SPATA13: variants seen among roughly 807,000 people sequenced by gnomAD.
The protein encoded by SPATA13 is spermatogenesis associated 13, also known as spermatogenesis-associated protein 13.
In SPATA13, 50 loss-of-function variants were observed where a neutral mutation model predicts 104.0. The ratio of observed to expected loss-of-function variants is 0.48; its 90% confidence interval spans 0.38 to 0.61. The LOEUF is 0.61. Among genes scored for constraint, SPATA13 ranks in the 20% least tolerant of loss-of-function variants. SPATA13 has a pLI of 0.00. For missense variants in SPATA13, 1,524 were observed against 1,690.6 expected (o/e 0.90, Z 1.73); for synonymous variants, 606 against 667.5 (o/e 0.91, Z 1.42).
intron 1 of SPATA13, among the ~76,000 whole-genome samples, chr13:24,173,152 A>T (rs539422161): frequency 6.6e-6 from 1 of 152,274 alleles, no homozygotes; most frequent in South Asian, 2.1e-4. Flanking sequence ...ATCTTGGCTC[A>T]CTGCACCCTC....
At chr13:24,037,394 G>A (rs1413863557) in intron 3 of SPATA13, among the ~76,000 whole-genome samples, 1 of 63,840 alleles carries the variant, frequency 1.6e-5, no homozygotes, top group African/African-American at 5.6e-5. Context: ...ACAGGTTCTC[G>A]ACTAATACTT....
At chr13:24,082,200 C>G (rs1009537209) in intron 3 of SPATA13, among the ~76,000 whole-genome samples, 16 of 152,334 alleles carry the variant, frequency 1.1e-4, no homozygotes, top group African/African-American at 3.6e-4. Flanking sequence ...ATAGCAATAT[C>G]TCTTCAACAG....
At chr13:24,122,800 C>G in intron 3 of SPATA13, 1 of 778,834 alleles carries the variant, frequency 1.3e-6, no homozygotes, top group Non-Finnish European at 2.4e-6. Flanking sequence ...TGTGGAGACT[C>G]TCGTTGTCAT....
intron 2 of SPATA13, among the ~76,000 whole-genome samples, chr13:24,240,217 A>G (rs4261384): frequency 0.61 from 92,261 of 151,564 alleles, 28,348 homozygotes; most frequent in East Asian, 0.76. Context: ...CCGTGATTGC[A>G]CCACTGCACT....
At chr13:24,121,935 G>A in intron 3 of SPATA13, 1 of 670,378 alleles carries the variant, frequency 1.5e-6, no homozygotes, top group Admixed American at 2.5e-5. Context: ...CATCTCCTGG[G>A]GTTGTTGTTT....
At chr13:24,201,616 T>G (rs200781413) in intron 1 of SPATA13, among the ~76,000 whole-genome samples, 23 of 152,220 alleles carry the variant, frequency 1.5e-4, no homozygotes, top group East Asian at 1.2e-3. Flanking sequence ...AATTTTTGTG[T>G]TTTTAGTAGA....
chr13:24,187,783 A>C (rs894447492), intron 1 of SPATA13, among the ~76,000 whole-genome samples: 1 of 152,198 alleles, frequency 6.6e-6, no homozygotes, highest in Non-Finnish European at 1.5e-5. Context: ...GGCCACTCCC[A>C]GTCTCTCTGC....
At position 24,224,053 on chromosome 13, in the gene SPATA13, G is replaced by A. The variant is rs866164938; in HGVS notation, c.1124G>A (p.Arg375Gln). ...VSRSTEQDSR[R>Q]GGAVMHGTTA... Reference sequence around the variant, plus strand: ...AGGAGCACTGAGCAGGACAGCAGGCGGGGCGGGGCGGTCATGCATGGGACC... The same window carrying A: ...AGGAGCACTGAGCAGGACAGCAGGCAGGGCGGGGCGGTCATGCATGGGACC... Residue 375 changes from arginine to glutamine, a missense_variant, in exon 2 of 13, where the codon CGG becomes CAG. This residue lies in a region of SPATA13 where 1,089 missense variants were observed against 1,135.9 expected (regional missense o/e 0.96). Transcript: ENST00000382108. The A allele has an allele frequency of 4.3e-5, 67 of 1,547,934 alleles. No homozygotes were observed. The highest frequency in any genetic ancestry group is 1.1e-4 in the African/African-American group (8 of 72,988).
At chr13:24,093,691 A>C (rs940727587) in intron 3 of SPATA13, among the ~76,000 whole-genome samples, 2 of 152,210 alleles carry the variant, frequency 1.3e-5, no homozygotes, top group African/African-American at 2.4e-5. Flanking sequence ...AGATAGGTTT[A>C]TTTTAAATAT....
intron 3 of SPATA13, among the ~76,000 whole-genome samples, chr13:24,024,368 TGGA>T (rs1877112921): frequency 6.6e-6 from 1 of 151,904 alleles, no homozygotes; most frequent in African/African-American, 2.4e-5. Flanking sequence ...GATGGATGGA[TGGA>T]TGGATGGATG....
At chr13:24,198,789 A>G (rs1380887542) in intron 1 of SPATA13, among the ~76,000 whole-genome samples, 3 of 152,180 alleles carry the variant, frequency 2.0e-5, no homozygotes, top group Non-Finnish European at 4.4e-5. Flanking sequence ...TCTGCAGGTC[A>G]GCAAAGTTAG....
intron 1 of SPATA13, among the ~76,000 whole-genome samples, chr13:24,213,308 C>G (rs1487727084): frequency 2.0e-5 from 3 of 152,140 alleles, no homozygotes; most frequent in Non-Finnish European, 4.4e-5. Flanking sequence ...GCTCTGAAAC[C>G]CAGGCTGGAG....
intron 3 of SPATA13, among the ~76,000 whole-genome samples, chr13:24,063,748 G>C (rs1878855327): frequency 6.6e-6 from 1 of 152,136 alleles, no homozygotes; most frequent in Non-Finnish European, 1.5e-5. Flanking sequence ...CAAAATCAAA[G>C]AAAACAAAAC....
chr13:24,058,362 A>G (rs1367014193), intron 3 of SPATA13, among the ~76,000 whole-genome samples: 1 of 151,842 alleles, frequency 6.6e-6, no homozygotes, highest in East Asian at 1.9e-4. Context: ...AACTCATTTA[A>G]TGCTCACCGT....
intron 2 of SPATA13, among the ~76,000 whole-genome samples, chr13:23,988,406 A>C (rs897859358): frequency 4.6e-5 from 7 of 152,190 alleles, no homozygotes; most frequent in Admixed American, 1.3e-4. Context: ...TGGTGATAAC[A>C]TATTACATAA....
chr13:24,298,321 G>C (rs1357362988), intron 11 of SPATA13, among the ~76,000 whole-genome samples: 2 of 152,174 alleles, frequency 1.3e-5, no homozygotes, highest in African/African-American at 4.8e-5. Context: ...CTGCCCTCAT[G>C]CTTCCCATCT....
At position 24,251,861 on chromosome 13, in the gene SPATA13, C is replaced by T. The variant is rs1873507087; in HGVS notation, c.2163C>T (p.Asn721=). The change falls in exon 4 of 13, where the codon AAC becomes AAT. Residue 721 remains asparagine, a splice_region_variant and synonymous_variant. Transcript: ENST00000382108. ...VGRRRQMRAS[N]VSSDGGTEPS... ...GCCGGCGGCAGATGAGAGCATCCAA[C>T]GGTGAGTCTCAGAGTCCCTTTCCTT... 1.2e-6 allele frequency: 2 copies of T among 1,613,006 alleles called. No homozygotes were observed. The highest frequency in any genetic ancestry group is 1.3e-5 in the African/African-American group (1 of 74,912).
At chr13:24,080,399 C>T (rs1409302595) in intron 3 of SPATA13, among the ~76,000 whole-genome samples, 5 of 152,188 alleles carry the variant, frequency 3.3e-5, no homozygotes, top group African/African-American at 4.8e-5. Context: ...AAAGCTTTGG[C>T]GGCTTGGGCC....
At chr13:24,032,707 T>C (rs1006115745) in intron 3 of SPATA13, among the ~76,000 whole-genome samples, 1 of 152,164 alleles carries the variant, frequency 6.6e-6, no homozygotes, top group Admixed American at 6.5e-5. Context: ...AACTTTATAT[T>C]TGAGAGTTAA....
Sources: gnomAD v4.1 joint callset for allele counts (sites outside exome capture counted in the v4.1 genomes callset) on GRCh38, gnomAD v4.1.1 for gene constraint, gnomAD v4.1.1 regional missense constraint, MANE v1.5 for transcripts, NCBI Gene and HGNC (gene_info 2026-07-23, HGNC 2026-07-21) for gene names.